Variants in HS3ST5 observed in about 807,000 individuals in gnomAD.
HS3ST5 encodes the protein heparan sulfate-glucosamine 3-sulfotransferase 5, also known as heparan sulfate glucosamine 3-O-sulfotransferase 5.
Under a neutral mutation model 25.4 loss-of-function variants are expected in HS3ST5, and 10 were observed. That is an observed-to-expected ratio of 0.39 (90% CI 0.24 to 0.67). The LOEUF (loss-of-function observed/expected upper bound fraction) is 0.67. Among genes scored for constraint, HS3ST5 ranks in the 30% least tolerant of loss-of-function variants. The pLI, the probability that HS3ST5 is intolerant of heterozygous loss-of-function variation, is 0.44. For missense variants in HS3ST5, 324 were observed against 420.7 expected (o/e 0.77, Z 2.01); for synonymous variants, 170 against 162.4 (o/e 1.05, Z -0.36).
At chr6:114,124,331 G>A (rs990514438) in intron 3 of HS3ST5, among the ~76,000 whole-genome samples, 2 of 152,160 alleles carry the variant, frequency 1.3e-5, no homozygotes, top group African/African-American at 4.8e-5. Flanking sequence ...AATGCAGGGT[G>A]TGCCAAGGAT....
At chr6:114,148,713 A>T (rs996574697) in intron 3 of HS3ST5, among the ~76,000 whole-genome samples, 1 of 152,172 alleles carries the variant, frequency 6.6e-6, no homozygotes, top group African/African-American at 2.4e-5. Flanking sequence ...ACCAAAAGCA[A>T]TTGAAACAAA....
rs576218112 is a variant in HS3ST5, at chr6:114,242,722, G to A, written c.-338-13944C>T. The stretch of plus-strand genomic sequence containing the variant: ...CAAAAAATTAGCCGGGCGCGGTGGC[G>A]GGCGCCTGTAGTCCCAGCTACTCGG... On this transcript the variant is annotated intron_variant, in intron 1 of 4. Transcript: ENST00000312719. 8.6e-5 allele frequency among the ~76,000 whole-genome samples: 13 copies of A among 152,018 alleles called. No individual in the cohort carries two copies. In the South Asian group the frequency reaches 1.0e-3, roughly 12 times the overall value.
chr6:114,207,104 C>T (rs966695960), intron 2 of HS3ST5, among the ~76,000 whole-genome samples: 5 of 152,160 alleles, frequency 3.3e-5, no homozygotes, highest in African/African-American at 1.2e-4. Flanking sequence ...AGAATTTATT[C>T]CTCCTACATG....
intron 3 of HS3ST5, among the ~76,000 whole-genome samples, chr6:114,101,253 C>T (rs1331574271): frequency 1.3e-5 from 2 of 152,148 alleles, no homozygotes; most frequent in African/African-American, 2.4e-5. Context: ...CAAAGGTTTA[C>T]AACATATTTA....
chr6:114,205,829 A>G (rs1047234900), intron 2 of HS3ST5, among the ~76,000 whole-genome samples: 4 of 152,156 alleles, frequency 2.6e-5, no homozygotes, highest in African/African-American at 9.7e-5. Flanking sequence ...GCAGTTCACA[A>G]TAGTGTTCAT....
intron 3 of HS3ST5, among the ~76,000 whole-genome samples, chr6:114,082,005 CT>C (rs754404592): frequency 2.6e-5 from 4 of 152,174 alleles, no homozygotes; most frequent in Non-Finnish European, 4.4e-5. Flanking sequence ...CTTTAGCAGT[CT>C]ACCCCATTTC....
At position 114,158,756 on chromosome 6, in the gene HS3ST5, A is replaced by G. The variant is rs1396359776; in HGVS notation, c.-33+9595T>C. On this transcript the variant is annotated intron_variant, in intron 3 of 4. Coordinates refer to ENST00000312719, the MANE Select transcript of HS3ST5 (RefSeq NM_153612.4). ...TCTGCTCCAGTGAGAATAACCAGGA[A>G]CCCTGAAGAGAAGGCATTGCATTAA... Among the ~76,000 whole-genome samples, 23 of 152,160 alleles carry G rather than the reference A, an allele frequency of 1.5e-4. 1 individual carries two copies. Among genetic ancestry groups the G allele is most frequent in the Admixed American group, 1.5e-3 (23 of 15,266 alleles).
chr6:114,246,033 G>A (rs541589666), intron 1 of HS3ST5, among the ~76,000 whole-genome samples: 1 of 152,184 alleles, frequency 6.6e-6, no homozygotes, highest in South Asian at 2.1e-4. Context: ...TTCAGGCTTT[G>A]AATGCAGGCA....
At chr6:114,130,116 A>G (rs1172748993) in intron 3 of HS3ST5, among the ~76,000 whole-genome samples, 1 of 152,246 alleles carries the variant, frequency 6.6e-6, no homozygotes, top group South Asian at 2.1e-4. Flanking sequence ...GTTGTCCAGT[A>G]TGGTAGCCAC....
At chr6:114,098,122 G>A (rs897291434) in intron 3 of HS3ST5, among the ~76,000 whole-genome samples, 6 of 152,086 alleles carry the variant, frequency 3.9e-5, no homozygotes, top group Admixed American at 2.6e-4. Flanking sequence ...TTTACTAAGC[G>A]AGTGAAGAAC....
Position 114,062,713 on chromosome 6 carries a change from T to C in HS3ST5, c.107+26A>G, listed in dbSNP as rs773831543. On this transcript the variant is annotated intron_variant, in intron 4 of 4. Transcript: ENST00000312719. ...AAATCAAGCCTTAATGTCACAGGGG[T>C]ATAAGCATGTGTTTTAAGCACCCAC... 9.9e-6 allele frequency: 14 copies of C among 1,412,984 alleles called. No homozygotes were observed. The Admixed American group carries it at 1.8e-4, about 19-fold the overall frequency. 87.5% of individuals were successfully genotyped at this position (1,412,984 alleles called of 1,614,324 possible).
intron 3 of HS3ST5, among the ~76,000 whole-genome samples, chr6:114,168,111 G>T (rs1177788895): frequency 6.6e-6 from 1 of 151,970 alleles, no homozygotes; most frequent in Admixed American, 6.6e-5. Flanking sequence ...TTTTAAAAAA[G>T]AATCCATTTC....
chr6:114,138,618 T>A (rs566898265), intron 3 of HS3ST5, among the ~76,000 whole-genome samples: 24 of 152,312 alleles, frequency 1.6e-4, no homozygotes, highest in Non-Finnish European at 1.5e-5. Flanking sequence ...CACTTGACAG[T>A]CCTTTGTACC....
At chr6:114,135,026 C>T (rs369081540) in intron 3 of HS3ST5, among the ~76,000 whole-genome samples, 56 of 152,262 alleles carry the variant, frequency 3.7e-4, no homozygotes, top group Non-Finnish European at 7.2e-4. Flanking sequence ...AACTTGGTGA[C>T]GCTGGTTTTC....
chr6:114,317,933 C>G (rs1387534045), intron 1 of HS3ST5, among the ~76,000 whole-genome samples: 1 of 152,100 alleles, frequency 6.6e-6, no homozygotes, highest in Non-Finnish European at 1.5e-5. Context: ...GGATGTCCTC[C>G]TTAACATCAC....
intron 3 of HS3ST5, chr6:114,143,554 C>T (rs564991744): frequency 2.0e-5 from 3 of 152,126 alleles, no homozygotes; most frequent in Non-Finnish European, 2.9e-5. Context: ...GTGTCAAACC[C>T]GGGCAAATGG....
At chr6:114,336,111 C>T (rs1219576714) in intron 1 of HS3ST5, among the ~76,000 whole-genome samples, 1 of 152,174 alleles carries the variant, frequency 6.6e-6, no homozygotes, top group Non-Finnish European at 1.5e-5. Context: ...TATTCAAATA[C>T]ACATAATGAG....
rs377318429 is a variant in HS3ST5 at position 114,060,533 on chromosome 6, C to CTCTA, written c.107+2202_107+2205dup. Among the ~76,000 whole-genome samples, 1,079 of 152,292 alleles carry CTCTA rather than the reference C, an allele frequency of 7.1e-3. 5 individuals are homozygous for CTCTA. Among genetic ancestry groups the CTCTA allele is most frequent in the Non-Finnish European group, 0.011 (769 of 68,018 alleles). Reference sequence around the variant, plus strand: ...TCTTGGGTTCTGGTTGAGAATTAAGCTCTAATTCCATAAGGCATCCATTGA... The same window carrying CTCTA: ...TCTTGGGTTCTGGTTGAGAATTAAGCTCTATCTAATTCCATAAGGCATCCATTGA... On this transcript the variant is annotated intron_variant, in intron 4 of 4. Coordinates refer to ENST00000312719, the MANE Select transcript of HS3ST5 (RefSeq NM_153612.4).
intron 3 of HS3ST5, among the ~76,000 whole-genome samples, chr6:114,079,569 C>T (rs1774334506): frequency 6.6e-6 from 1 of 152,150 alleles, no homozygotes; most frequent in Admixed American, 6.5e-5. Flanking sequence ...CTTGAAGTTC[C>T]CAAAGTCATT....
Sources: allele counts gnomAD v4.1 joint callset (sites outside exome capture counted in the v4.1 genomes callset), GRCh38; gene constraint gnomAD v4.1.1; transcripts MANE v1.5; gene names NCBI Gene and HGNC (gene_info 2026-07-23, HGNC 2026-07-21).